VPS37A: variants seen among roughly 807,000 people sequenced by gnomAD.
The protein encoded by VPS37A is VPS37A subunit of ESCRT-I.
In VPS37A, 30 loss-of-function variants were observed where a neutral mutation model predicts 49.8. The ratio of observed to expected loss-of-function variants is 0.60; its 90% CI spans 0.45 to 0.82. The LOEUF (loss-of-function observed/expected upper bound fraction) is 0.82, where lower values mean the gene tolerates loss of function less well. Among genes scored for constraint, VPS37A ranks in the 40% least tolerant of loss-of-function variants. The pLI, the probability that VPS37A is intolerant of heterozygous loss-of-function variation, is 0.00. For synonymous variants in VPS37A, 195 were observed against 160.6 expected, an observed-to-expected ratio of 1.21 and a Z score of -1.62; for missense variants, 593 against 464.4, an observed-to-expected ratio of 1.28 and a Z score of -2.55.
rs527605470 is a variant in VPS37A at position 17,287,440 on chromosome 8, C to T, written c.*1013C>T. On this transcript the variant is annotated intron_variant, in intron 11 of 11. Transcript: ENST00000324849. ...CTGTAATCCCAGCACTTTGGGAGGC[C>T]GAGGCGTGTGGATCACATGGTCAAG... Among the ~76,000 whole-genome samples the T allele has an allele frequency of 6.0e-4, 91 of 151,996 alleles. 1 individual carries two copies. Among genetic ancestry groups the T allele is most frequent in the African/African-American group, 2.0e-3 (82 of 41,452 alleles).
At chr8:17,272,527 T>TA (rs1173720810) in intron 4 of VPS37A, among the ~76,000 whole-genome samples, 1 of 152,230 alleles carries the variant, frequency 6.6e-6, no homozygotes, top group Non-Finnish European at 1.5e-5. Flanking sequence ...ATAGTACCAT[T>TA]ATTAAAAATC....
chr8:17,318,976 G>A, the VPS37A span, among the ~76,000 whole-genome samples: 8 of 152,310 alleles, frequency 5.3e-5, no homozygotes, highest in South Asian at 4.1e-4. Flanking sequence ...CGAACTCACC[G>A]ACACTTCCAA....
intron 1 of VPS37A, among the ~76,000 whole-genome samples, chr8:17,256,801 C>T (rs1691282483): frequency 6.6e-6 from 1 of 151,986 alleles, no homozygotes; most frequent in Non-Finnish European, 1.5e-5. Context: ...TACAGGCACT[C>T]ACCACCACAC....
In VPS37A at chr8:17,247,179, G is replaced by T. The variant is rs148061382; in HGVS notation, c.-66G>T. On this transcript the variant is annotated 5_prime_UTR_variant, in exon 1 of 12. Transcript: ENST00000324849. ...GCTCCTCTGTCGCTGGAGAACCGCC[G>T]GGCCGAGCCACTGGGAGAAGCAGGC... 1.9e-6 allele frequency: 3 copies of T among 1,548,238 alleles called. No individual in the cohort carries two copies. The highest frequency in any genetic ancestry group is 2.7e-5 in the African/African-American group (2 of 73,086).
chr8:17,313,439 T>C, the VPS37A span: 40 of 1,308,430 alleles, frequency 3.1e-5, no homozygotes, highest in African/African-American at 5.1e-4. Context: ...AAAATTAAGG[T>C]ACTCTCTCAT....
chr8:17,272,815 T>C (rs1814121515), intron 4 of VPS37A, among the ~76,000 whole-genome samples: 1 of 150,332 alleles, frequency 6.7e-6, no homozygotes, highest in Non-Finnish European at 1.5e-5. Context: ...GGCTCAAAAT[T>C]CAAAAAGTAT....
intron 1 of VPS37A, among the ~76,000 whole-genome samples, chr8:17,262,484 T>C (rs1372398188): frequency 2.6e-5 from 4 of 152,160 alleles, no homozygotes; most frequent in Non-Finnish European, 5.9e-5. Flanking sequence ...AGTAATTCTC[T>C]TCTCCCAGAG....
chr8:17,270,017 A>G (rs554152416), intron 4 of VPS37A, among the ~76,000 whole-genome samples: 2 of 152,290 alleles, frequency 1.3e-5, no homozygotes, highest in Non-Finnish European at 2.9e-5. Flanking sequence ...GTGCAGGCAC[A>G]TTACATGATG....
At chr8:17,253,417 GT>G (rs1812155072) in intron 1 of VPS37A, among the ~76,000 whole-genome samples, 1 of 152,260 alleles carries the variant, frequency 6.6e-6, no homozygotes, top group East Asian at 1.9e-4. Flanking sequence ...CCTAACTCTT[GT>G]CAAAAAAGGC....
chr8:17,267,252 A>C (rs1211117126), intron 2 of VPS37A, among the ~76,000 whole-genome samples: 1 of 152,186 alleles, frequency 6.6e-6, no homozygotes, highest in Non-Finnish European at 1.5e-5. Flanking sequence ...AAAGCTAAGC[A>C]GGAGAGGCCA....
At chr8:17,311,801 G>A in the VPS37A span, 3 of 1,068,312 alleles carry the variant, frequency 2.8e-6, no homozygotes, top group Non-Finnish European at 4.0e-6. Context: ...CAGAGCCAGA[G>A]TGGCCTGGTG....
At chr8:17,266,682 T>G (rs1813490888) in intron 2 of VPS37A, among the ~76,000 whole-genome samples, 1 of 152,230 alleles carries the variant, frequency 6.6e-6, no homozygotes, top group Non-Finnish European at 1.5e-5. Flanking sequence ...GCCAGCATAC[T>G]GCCTGTACAT....
At chr8:17,284,389 C>G (rs1586049848) in intron 9 of VPS37A, 84 bp from the exon 10 acceptor site, 5 of 1,465,748 alleles carry the variant, frequency 3.4e-6, no homozygotes, top group Non-Finnish European at 4.5e-6. Flanking sequence ...AATTGCCTCT[C>G]CATACCACTA....
At chr8:17,255,846 A>G (rs181519250) in intron 1 of VPS37A, among the ~76,000 whole-genome samples, 1 of 152,130 alleles carries the variant, frequency 6.6e-6, no homozygotes. Flanking sequence ...AGTTCCACTC[A>G]TGTTGCTGTA....
chr8:17,331,183 C>T, the VPS37A span: 10 of 1,612,658 alleles, frequency 6.2e-6, no homozygotes, highest in Non-Finnish European at 8.5e-6. Context: ...TTCCTCATGA[C>T]ATGGATGTTC....
intron 9 of VPS37A, among the ~76,000 whole-genome samples, chr8:17,283,296 C>T (rs1815267806): frequency 6.6e-6 from 1 of 152,076 alleles, no homozygotes; most frequent in African/African-American, 2.4e-5. Context: ...GCCAAGGCTA[C>T]AGGTGCATGC....
chr8:17,281,900 A>G (rs1464421350), intron 9 of VPS37A, among the ~76,000 whole-genome samples: 1 of 152,060 alleles, frequency 6.6e-6, no homozygotes, highest in East Asian at 1.9e-4. Flanking sequence ...TGTATTTTCT[A>G]AGACTATTTA....
At chr8:17,273,582 G>A (rs1327883344) in intron 4 of VPS37A, among the ~76,000 whole-genome samples, 1 of 152,094 alleles carries the variant, frequency 6.6e-6, no homozygotes. Flanking sequence ...TAGCCAGGAT[G>A]GTCTCGATCC....
intron 11 of VPS37A, among the ~76,000 whole-genome samples, chr8:17,293,707 C>T (rs528794143): frequency 6.6e-6 from 1 of 152,218 alleles, no homozygotes; most frequent in South Asian, 2.1e-4. Context: ...CTAACAAGCC[C>T]CTCTTCTGCA....
Sources: gnomAD v4.1 joint callset for allele counts (sites outside exome capture counted in the v4.1 genomes callset) on GRCh38, gnomAD v4.1.1 for gene constraint, MANE v1.5 for transcripts, NCBI Gene and HGNC (gene_info 2026-07-23, HGNC 2026-07-21) for gene names.